The following HDAC9 variants were observed in gnomAD, a reference collection of about 807,000 sequenced individuals.
HDAC9 encodes histone deacetylase 9, also known as MEF-2 interacting transcription repressor (MITR) protein.
In HDAC9, 41 loss-of-function variants were observed where a neutral mutation model predicts 139.4. The observed-to-expected ratio is 0.29, with a 90% CI of 0.23 to 0.38. The LOEUF is 0.38. Ranked by LOEUF, HDAC9 falls within the 10% of genes least tolerant of loss-of-function variation. The pLI is 1.00. For synonymous variants in HDAC9, 517 were observed against 476.2 expected (o/e 1.09, Z -1.12); for missense variants, 1,147 against 1,297.0 (o/e 0.88, Z 1.78).
At chr7:18,439,225 C>T (rs1040322052) in intron 1 of HDAC9, among the ~76,000 whole-genome samples, 5 of 152,204 alleles carry the variant, frequency 3.3e-5, no homozygotes, top group Non-Finnish European at 5.9e-5. Flanking sequence ...CATTCTCTCT[C>T]TCTTTCTCTG....
At chr7:18,496,945 T>C (rs1214097381) in intron 2 of HDAC9, among the ~76,000 whole-genome samples, 1 of 152,122 alleles carries the variant, frequency 6.6e-6, no homozygotes, top group African/African-American at 2.4e-5. Flanking sequence ...TCTAGCATTG[T>C]CAGGCAGATG....
chr7:18,874,447 A>C (rs1799169025), intron 21 of HDAC9, 31 bp from the exon 22 acceptor site: 3 of 1,411,862 alleles, frequency 2.1e-6, no homozygotes, highest in Non-Finnish European at 2.9e-6. Flanking sequence ...CACCAGTCCC[A>C]CGTGTGACCG....
intron 2 of HDAC9, among the ~76,000 whole-genome samples, chr7:18,240,448 G>C (rs1200514379): frequency 2.6e-5 from 4 of 152,084 alleles, no homozygotes; most frequent in African/African-American, 9.7e-5. Context: ...AGTGTTTCTA[G>C]TTTATATCTT....
intron 2 of HDAC9, among the ~76,000 whole-genome samples, chr7:18,540,435 G>T (rs1812452469): frequency 6.6e-6 from 1 of 152,104 alleles, no homozygotes; most frequent in Non-Finnish European, 1.5e-5. Flanking sequence ...CTAATGGTGT[G>T]TCAAGTACTG....
chr7:18,609,725 C>T (rs1836560623), intron 6 of HDAC9, among the ~76,000 whole-genome samples: 1 of 152,014 alleles, frequency 6.6e-6, no homozygotes, highest in Non-Finnish European at 1.5e-5. Flanking sequence ...TGGTGTGCTG[C>T]ACCCATTAAC....
intron 2 of HDAC9, among the ~76,000 whole-genome samples, chr7:18,234,301 A>G (rs995337999): frequency 3.9e-5 from 6 of 152,208 alleles, no homozygotes; most frequent in Admixed American, 6.5e-5. Flanking sequence ...ATTGTGAATA[A>G]CAGTAAAAAG....
At chr7:18,719,045 C>T (rs13238092) in intron 12 of HDAC9, among the ~76,000 whole-genome samples, 315 of 152,228 alleles carry the variant, frequency 2.1e-3, no homozygotes, top group Non-Finnish European at 3.9e-3. Context: ...TATTCACAAG[C>T]CTATCTTTTT....
chr7:18,187,408 T>G (rs1434561982), intron 2 of HDAC9, among the ~76,000 whole-genome samples: 1 of 152,234 alleles, frequency 6.6e-6, no homozygotes, highest in Non-Finnish European at 1.5e-5. Context: ...GTGGCTTTTC[T>G]TGTGACCATT....
At chr7:18,125,733 C>T (rs1049095816) in intron 1 of HDAC9, among the ~76,000 whole-genome samples, 1 of 152,082 alleles carries the variant, frequency 6.6e-6, no homozygotes, top group African/African-American at 2.4e-5. Flanking sequence ...AGCAGAAAAG[C>T]AGCCATGCAC....
intron 2 of HDAC9, among the ~76,000 whole-genome samples, chr7:18,178,876 G>T (rs535810002): frequency 6.6e-6 from 1 of 152,128 alleles, no homozygotes; most frequent in Non-Finnish European, 1.5e-5. Flanking sequence ...TACATTTTCA[G>T]TTCCTCTTAT....
intron 12 of HDAC9, among the ~76,000 whole-genome samples, chr7:18,700,569 C>A (rs747430654): frequency 6.6e-6 from 1 of 152,190 alleles, no homozygotes; most frequent in Admixed American, 6.5e-5. Flanking sequence ...GAGTTGGCAA[C>A]CTTTTGCTCT....
chr7:18,923,371 T>C (rs1585319372), intron 22 of HDAC9, among the ~76,000 whole-genome samples: 2 of 152,254 alleles, frequency 1.3e-5, no homozygotes, highest in East Asian at 3.9e-4. Flanking sequence ...GAAAAGTAGT[T>C]GCCTAATCTC....
chr7:18,396,825 T>C (rs1228344157), intron 1 of HDAC9, among the ~76,000 whole-genome samples: 1 of 152,192 alleles, frequency 6.6e-6, no homozygotes, highest in Non-Finnish European at 1.5e-5. Flanking sequence ...TGATTCCTTG[T>C]TGCCGATTTT....
intron 24 of HDAC9, among the ~76,000 whole-genome samples, chr7:18,958,126 G>A (rs931681695): frequency 6.6e-6 from 1 of 152,068 alleles, no homozygotes; most frequent in African/African-American, 2.4e-5. Context: ...TCCTGTCCTT[G>A]TTTATGTTGC....
chr7:18,262,021 A>T (rs562429524), intron 2 of HDAC9, among the ~76,000 whole-genome samples: 2 of 152,344 alleles, frequency 1.3e-5, no homozygotes, highest in East Asian at 3.9e-4. Flanking sequence ...CCTGATGTAC[A>T]CCTCTTACTC....
chr7:18,467,534 C>T (rs1794383090), intron 1 of HDAC9, among the ~76,000 whole-genome samples: 1 of 152,088 alleles, frequency 6.6e-6, no homozygotes, highest in African/African-American at 2.4e-5. Context: ...TCATAAAATT[C>T]TATACTTGCC....
chr7:18,258,449 G>A (rs1795422285), intron 2 of HDAC9, among the ~76,000 whole-genome samples: 2 of 152,138 alleles, frequency 1.3e-5, no homozygotes, highest in South Asian at 4.1e-4. Flanking sequence ...AATGTACACT[G>A]TACCCAGTGT....
rs374291556 is a variant in HDAC9 at position 18,550,306 on chromosome 7, G to C, written c.23-34975G>C. 7.9e-5 allele frequency among the ~76,000 whole-genome samples: 12 copies of C among 151,584 alleles called. No homozygotes were observed. In the South Asian group the frequency reaches 2.5e-3, roughly 32 times the overall value. ...TACTATATTCGATCCCATTTTTTTC[G>C]TTCCATTCTATGTTATGATTTCCCA... On this transcript the variant is annotated intron_variant, in intron 2 of 25. Coordinates refer to ENST00000686413, the MANE Select transcript of HDAC9 (RefSeq NM_178425.4).
intron 1 of HDAC9, among the ~76,000 whole-genome samples, chr7:18,385,356 T>G (rs1449092931): frequency 1.3e-5 from 2 of 152,166 alleles, no homozygotes; most frequent in African/African-American, 4.8e-5. Flanking sequence ...CATTTTCCTT[T>G]GGGATAATAA....
Sources: allele counts gnomAD v4.1 joint callset (sites outside exome capture counted in the v4.1 genomes callset), GRCh38; gene constraint gnomAD v4.1.1; transcripts MANE v1.5; gene names NCBI Gene and HGNC (gene_info 2026-07-23, HGNC 2026-07-21).